MFHAS1: variants seen among roughly 807,000 people sequenced by gnomAD.
MFHAS1 encodes multifunctional ROCO family signaling regulator 1.
MFHAS1 carries 50 observed loss-of-function variants against 70.4 expected under a neutral mutation model. The ratio of observed to expected loss-of-function variants is 0.71; its 90% confidence interval spans 0.57 to 0.90. MFHAS1 has a LOEUF of 0.90. Among genes scored for constraint, MFHAS1 ranks in the 40% least tolerant of loss-of-function variants. The pLI, the probability that MFHAS1 is intolerant of heterozygous loss-of-function variation, is 0.00. For synonymous variants in MFHAS1, 952 were observed against 620.0 expected, an observed-to-expected ratio of 1.54 and a Z score of -7.96; for missense variants, 1,795 against 1,347.6, an observed-to-expected ratio of 1.33 and a Z score of -5.20.
intron 1 of MFHAS1, among the ~76,000 whole-genome samples, chr8:8,817,490 C>G (rs1192318941): frequency 1.3e-5 from 2 of 152,224 alleles, no homozygotes; most frequent in Non-Finnish European, 2.9e-5. Context: ...ACAATTCCAC[C>G]TAAGAGGCCA....
intron 1 of MFHAS1, among the ~76,000 whole-genome samples, chr8:8,834,214 A>G (rs1807516753): frequency 6.6e-6 from 1 of 152,256 alleles, no homozygotes; most frequent in African/African-American, 2.4e-5. Context: ...ATTTTATACT[A>G]TGGTGGTCCC....
chr8:8,883,836 T>G (rs1809635023), intron 1 of MFHAS1, among the ~76,000 whole-genome samples: 1 of 151,298 alleles, frequency 6.6e-6, no homozygotes, highest in African/African-American at 2.4e-5. Flanking sequence ...TAATACAGAG[T>G]TAAAGCCCCT....
chr8:8,851,756 G>T (rs975221673), intron 1 of MFHAS1, among the ~76,000 whole-genome samples: 2 of 152,124 alleles, frequency 1.3e-5, no homozygotes, highest in Non-Finnish European at 2.9e-5. Flanking sequence ...AACAAATACA[G>T]GAAGTTAATC....
rs369736520 is a variant in MFHAS1, at chr8:8,811,829, G to T, written c.2999-14338C>A. 1.2e-4 allele frequency among the ~76,000 whole-genome samples: 19 copies of T among 152,334 alleles called. 1 individual carries two copies. The highest frequency in any genetic ancestry group is 2.6e-4 in the Admixed American group (4 of 15,300). On this transcript the variant is annotated intron_variant, in intron 1 of 2. Transcript: ENST00000276282. ...AGGTCTCTCAAGTGCCCTCAAGCGT[G>T]TGGTTCTGAATCCGACACTGGTGGG...
intron 1 of MFHAS1, among the ~76,000 whole-genome samples, chr8:8,847,435 G>A (rs748652482): frequency 7.2e-5 from 11 of 152,146 alleles, no homozygotes; most frequent in Non-Finnish European, 1.5e-4. Flanking sequence ...ACCTGCCTTG[G>A]CCTGTCAAAG....
chr8:8,870,211 C>T (rs1345224575), intron 1 of MFHAS1, among the ~76,000 whole-genome samples: 10 of 149,572 alleles, frequency 6.7e-5, no homozygotes, highest in Admixed American at 4.7e-4. Flanking sequence ...CCCAGCACTT[C>T]GGGAGGACAA....
At chr8:8,809,521 G>T (rs1018037137) in intron 1 of MFHAS1, among the ~76,000 whole-genome samples, 2 of 152,138 alleles carry the variant, frequency 1.3e-5, no homozygotes, top group African/African-American at 4.8e-5. Flanking sequence ...GCCTCTTCCC[G>T]CCACTCACTC....
intron 1 of MFHAS1, among the ~76,000 whole-genome samples, chr8:8,887,291 A>G (rs1809797067): frequency 6.6e-6 from 1 of 152,212 alleles, no homozygotes; most frequent in South Asian, 2.1e-4. Flanking sequence ...TCCCACATTT[A>G]GCTTTTATTT....
intron 1 of MFHAS1, among the ~76,000 whole-genome samples, chr8:8,864,128 T>C (rs958934700): frequency 6.6e-6 from 1 of 152,232 alleles, no homozygotes; most frequent in African/African-American, 2.4e-5. Flanking sequence ...ATGGCTGCAG[T>C]ACCCGATTAA....
intron 1 of MFHAS1, among the ~76,000 whole-genome samples, chr8:8,797,695 G>A (rs143544022): frequency 5.3e-5 from 8 of 152,280 alleles, no homozygotes; most frequent in African/African-American, 1.2e-4. Flanking sequence ...CTGCGTCACC[G>A]TGGAGAAAAT....
intron 2 of MFHAS1, among the ~76,000 whole-genome samples, chr8:8,796,362 T>C (rs1031349444): frequency 2.6e-5 from 4 of 152,158 alleles, no homozygotes; most frequent in Non-Finnish European, 5.9e-5. Context: ...GTTTTTGATG[T>C]GAGAGCCAAC....
chr8:8,792,705 T>C (rs536254923), intron 2 of MFHAS1, among the ~76,000 whole-genome samples: 8 of 152,358 alleles, frequency 5.3e-5, no homozygotes, highest in East Asian at 1.9e-4. Flanking sequence ...AGGAGATTTC[T>C]TTTTGGGGTG....
intron 1 of MFHAS1, among the ~76,000 whole-genome samples, chr8:8,807,507 T>A (rs965353878): frequency 6.6e-6 from 1 of 152,198 alleles, no homozygotes; most frequent in African/African-American, 2.4e-5. Context: ...TCCCTTTGAA[T>A]GTTAATAAAT....
At chr8:8,848,621 T>C (rs1441132507) in intron 1 of MFHAS1, among the ~76,000 whole-genome samples, 1 of 68,792 alleles carries the variant, frequency 1.5e-5, no homozygotes, top group African/African-American at 3.3e-5. Context: ...CAGTTATTAA[T>C]TTTTTTTAAA....
intron 1 of MFHAS1, among the ~76,000 whole-genome samples, chr8:8,831,253 AC>A (rs943038610): frequency 1.3e-5 from 2 of 151,986 alleles, no homozygotes; most frequent in African/African-American, 4.8e-5. Flanking sequence ...TCTCCAATAT[AC>A]ATTGGGGGTT....
intron 1 of MFHAS1, among the ~76,000 whole-genome samples, chr8:8,881,410 A>T (rs73524041): frequency 0.012 from 1,884 of 152,244 alleles, 47 homozygotes; most frequent in African/African-American, 0.043. Flanking sequence ...CCCTTCCATG[A>T]CCTTCCAGGA....
intron 1 of MFHAS1, among the ~76,000 whole-genome samples, chr8:8,847,294 G>A (rs1034742939): frequency 6.6e-6 from 1 of 152,122 alleles, no homozygotes; most frequent in Non-Finnish European, 1.5e-5. Context: ...TGATTCTCCT[G>A]CCTCAGTCTC....
At position 8,809,199 on chromosome 8, in the gene MFHAS1, G is replaced by C. The variant is rs543644956; in HGVS notation, c.2999-11708C>G. ...GGGCTCCCACTGATTCCACATTATA[G>C]TGAGTTGTATAATTATCTCATTATC... On this transcript the variant is annotated intron_variant, in intron 1 of 2. Coordinates refer to ENST00000276282, the MANE Select transcript of MFHAS1 (RefSeq NM_004225.3). Among the ~76,000 whole-genome samples, 148 of 152,218 alleles carry C rather than the reference G, an allele frequency of 9.7e-4. 1 individual carries two copies. Among genetic ancestry groups the C allele is most frequent in the African/African-American group, 3.5e-3 (144 of 41,514 alleles).
At chr8:8,863,676 T>C (rs370396382) in intron 1 of MFHAS1, among the ~76,000 whole-genome samples, 1 of 152,190 alleles carries the variant, frequency 6.6e-6, no homozygotes, top group East Asian at 1.9e-4. Context: ...TTCCCTAACA[T>C]ACTGGTCCTT....
Sources: allele counts gnomAD v4.1 joint callset (sites outside exome capture counted in the v4.1 genomes callset), GRCh38; gene constraint gnomAD v4.1.1; transcripts MANE v1.5; gene names NCBI Gene and HGNC (gene_info 2026-07-23, HGNC 2026-07-21).